CD3E: variants seen among roughly 807,000 people sequenced by gnomAD.
The protein encoded by CD3E is T-cell surface glycoprotein CD3 epsilon chain.
CD3E carries 16 observed loss-of-function variants against 34.7 expected under a neutral mutation model. The observed-to-expected ratio is 0.46, with a 90% CI of 0.31 to 0.70. CD3E has a LOEUF of 0.70. Ranked by LOEUF, CD3E falls within the 30% of genes least tolerant of loss-of-function variation. The pLI is 0.05. For missense variants in CD3E, 223 were observed against 253.9 expected, an observed-to-expected ratio of 0.88 and a Z score of 0.83; for synonymous variants, 70 against 90.8, an observed-to-expected ratio of 0.77 and a Z score of 1.30.
At position 118,307,335 on chromosome 11, in the gene CD3E, T is replaced by G. The variant is rs757160251; in HGVS notation, c.70+27T>G. The G allele has an allele frequency of 2.5e-6, 4 of 1,589,440 alleles. No homozygotes were observed. The South Asian group carries it at 4.4e-5, about 18-fold the overall frequency. ...TGAGATATGCTTTCTTTCTTTCTTTTTTATGAAATCACCCCATCATTCTTT... is the reference window on the plus strand; with the variant it reads ...TGAGATATGCTTTCTTTCTTTCTTTGTTATGAAATCACCCCATCATTCTTT... On this transcript the variant is annotated intron_variant, in intron 3 of 8. Coordinates refer to ENST00000361763, the MANE Select transcript of CD3E (RefSeq NM_000733.4).
At chr11:118,309,901 T>C (rs1355670910) in intron 4 of CD3E, among the ~76,000 whole-genome samples, 1 of 152,228 alleles carries the variant, frequency 6.6e-6, no homozygotes, top group Non-Finnish European at 1.5e-5. Flanking sequence ...GAGGCTCGCT[T>C]GAGCTCAGAA....
At chr11:118,311,380 C>T (rs946672924) in intron 4 of CD3E, among the ~76,000 whole-genome samples, 5 of 152,168 alleles carry the variant, frequency 3.3e-5, no homozygotes, top group African/African-American at 4.8e-5. Flanking sequence ...GCTGGACCTA[C>T]GAATGGCATT....
At position 118,313,741 on chromosome 11, in the gene CD3E, G is replaced by T; in HGVS notation, c.387G>T (p.Ser129=). 2.5e-6 allele frequency: 4 copies of T among 1,614,072 alleles called. No homozygotes were observed. The highest frequency in any genetic ancestry group is 3.4e-6 in the Non-Finnish European group (4 of 1,180,012). Residue 129 remains serine (S), a synonymous_variant, in exon 7 of 9, where the codon TCG becomes TCT. Transcript: ENST00000361763. ...ACTGCATGGAGATGGATGTGATGTC[G>T]GTGGCCACAATTGTCATAGTGGACA... ...CENCMEMDVM[S]VATIVIVDIC...
At position 118,313,779 on chromosome 11, in the gene CD3E, G is replaced by A; in HGVS notation, c.425G>A (p.Gly142Glu). The part of the protein sequence containing the change: ...TIVIVDICIT[G>E]GLLLLVYYWS... ...GTCATAGTGGACATCTGCATCACTGGGGGCTTGCTGCTGCTGGTTTACTAC... is the reference window on the plus strand; with the variant it reads ...GTCATAGTGGACATCTGCATCACTGAGGGCTTGCTGCTGCTGGTTTACTAC... The change falls in exon 7 of 9, where the codon GGG becomes GAG. Residue 142 changes from glycine to glutamate, a missense_variant. Coordinates refer to ENST00000361763, the MANE Select transcript of CD3E (RefSeq NM_000733.4). 1 of 1,614,150 alleles carries A rather than the reference G, an allele frequency of 6.2e-7. No individual in the cohort carries two copies. The highest frequency in any genetic ancestry group is 8.5e-7 in the Non-Finnish European group (1 of 1,180,026).
rs976382485 is a variant in CD3E, at chr11:118,315,993, A to T, written c.*451A>T. 4.1e-6 allele frequency: 1 copy of T among 242,122 alleles called. No individual in the cohort carries two copies. The highest frequency in any genetic ancestry group is 2.3e-5 in the African/African-American group (1 of 44,052). The allele number at this position is 242,122 out of a possible 1,614,324, so 15.0% of individuals were successfully genotyped here. On this transcript the variant is annotated 3_prime_UTR_variant, in exon 9 of 9. Transcript: ENST00000361763. ...TTGACAGAGGCCCTGCCCCGTTCAC[A>T]GATCCTGGCCCTGAGCCAGCCCTGT...
At chr11:118,315,424 T>C in intron 8 of CD3E, 62 bp from the exon 9 acceptor site, 1 of 1,416,036 alleles carries the variant, frequency 7.1e-7, no homozygotes, top group South Asian at 1.2e-5. Flanking sequence ...CTCTTCAGTG[T>C]CCTTTCTTAG....
intron 8 of CD3E, among the ~76,000 whole-genome samples, chr11:118,315,281 A>G (rs1401032375): frequency 6.6e-6 from 1 of 152,062 alleles, no homozygotes; most frequent in Non-Finnish European, 1.5e-5. Context: ...TTAAGTTCCT[A>G]TTTTTGAGAT....
At chr11:118,305,939 C>T (rs1202001893) in intron 2 of CD3E, among the ~76,000 whole-genome samples, 1 of 152,190 alleles carries the variant, frequency 6.6e-6, no homozygotes, top group Non-Finnish European at 1.5e-5. Context: ...CTTCCTGCTT[C>T]ATCTTGGGTT....
chr11:118,305,532 C>G (rs552647959), intron 2 of CD3E, among the ~76,000 whole-genome samples: 2 of 152,206 alleles, frequency 1.3e-5, no homozygotes, highest in African/African-American at 4.8e-5. Flanking sequence ...ATTTCTGTAT[C>G]TCATATGAGA....
chr11:118,307,403 T>C, intron 3 of CD3E, 95 bp downstream of exon 3: 3 of 1,093,740 alleles, frequency 2.7e-6, no homozygotes, highest in Non-Finnish European at 4.1e-6. Context: ...CCACAGAACT[T>C]CCACAGAGGT....
chr11:118,308,198 C>T (rs963919828), intron 3 of CD3E, among the ~76,000 whole-genome samples: 2 of 152,094 alleles, frequency 1.3e-5, no homozygotes, highest in Non-Finnish European at 2.9e-5. Flanking sequence ...ATTATGCCAG[C>T]CTAGATTCCG....
At chr11:118,309,781 G>C (rs1948126063) in intron 4 of CD3E, among the ~76,000 whole-genome samples, 1 of 152,124 alleles carries the variant, frequency 6.6e-6, no homozygotes, top group African/African-American at 2.4e-5. Flanking sequence ...AATAAATACA[G>C]AAATAAACAA....
intron 7 of CD3E, among the ~76,000 whole-genome samples, chr11:118,314,243 A>G (rs1948152711): frequency 6.6e-6 from 1 of 152,156 alleles, no homozygotes; most frequent in South Asian, 2.1e-4. Context: ...GAGCTGAGGA[A>G]AGTCACAAAA....
intron 4 of CD3E, among the ~76,000 whole-genome samples, chr11:118,310,155 C>T (rs1948128123): frequency 6.6e-6 from 1 of 152,134 alleles, no homozygotes; most frequent in Admixed American, 6.5e-5. Flanking sequence ...TTCAGGGGTA[C>T]ATGTGCAGGT....
chr11:118,308,358 C>A, intron 3 of CD3E, 69 bp from the exon 4 acceptor site: 3 of 1,194,450 alleles, frequency 2.5e-6, no homozygotes, highest in Non-Finnish European at 3.7e-6. Context: ...TCCCAACCCA[C>A]GGGAGCAGGG....
chr11:118,310,088 A>G (rs1434720494), intron 4 of CD3E, among the ~76,000 whole-genome samples: 1 of 152,266 alleles, frequency 6.6e-6, no homozygotes, highest in Non-Finnish European at 1.5e-5. Context: ...GTTTCTGGAT[A>G]TGTATAAAAT....
At chr11:118,307,498 G>C (rs887369967) in intron 3 of CD3E, among the ~76,000 whole-genome samples, 190 bp downstream of exon 3, 7 of 152,168 alleles carry the variant, frequency 4.6e-5, no homozygotes, top group Non-Finnish European at 2.9e-5. Flanking sequence ...GGAAGCAACA[G>C]AGGCAGGAAA....
intron 2 of CD3E, among the ~76,000 whole-genome samples, chr11:118,306,805 GTTTCAAATA>G (rs989009979): frequency 6.6e-6 from 1 of 152,112 alleles, no homozygotes; most frequent in African/African-American, 2.4e-5. Flanking sequence ...AGTAATCAGG[GTTTCAAATA>G]TTTCCATCTC....
chr11:118,305,251 G>T (rs1444507809), intron 2 of CD3E, among the ~76,000 whole-genome samples: 1 of 152,168 alleles, frequency 6.6e-6, no homozygotes, highest in Non-Finnish European at 1.5e-5. Context: ...GAGCAGAGAG[G>T]TCTCGCTACC....
Sources: gnomAD v4.1 joint callset for allele counts (sites outside exome capture counted in the v4.1 genomes callset) on GRCh38, gnomAD v4.1.1 for gene constraint, MANE v1.5 for transcripts, NCBI Gene and HGNC (gene_info 2026-07-23, HGNC 2026-07-21) for gene names.